JARID2: variants seen among roughly 807,000 people sequenced by gnomAD.
JARID2 encodes the protein jumonji and AT-rich interaction domain containing 2.
Under a neutral mutation model 125.6 loss-of-function variants are expected in JARID2, and 21 were observed. The observed-to-expected ratio is 0.17, with a 90% CI of 0.12 to 0.24. The LOEUF (loss-of-function observed/expected upper bound fraction) is 0.24, where lower values mean the gene tolerates loss of function less well. JARID2 is among the 10% of genes least tolerant of loss of function. The probability of loss-of-function intolerance (pLI) is 1.00; values close to 1 mark genes in which losing one functional copy is unlikely to be tolerated. For missense variants in JARID2, 1,303 were observed against 1,639.6 expected, an observed-to-expected ratio of 0.79 and a Z score of 3.55; for synonymous variants, 736 against 661.6, an observed-to-expected ratio of 1.11 and a Z score of -1.73.
intron 1 of JARID2, among the ~76,000 whole-genome samples, chr6:15,297,172 A>G (rs1431642359): frequency 1.3e-5 from 2 of 152,064 alleles, no homozygotes; most frequent in East Asian, 1.9e-4. Context: ...TTTTTTTGAG[A>G]AGGAGTCTCA....
At position 15,390,940 on chromosome 6, in the gene JARID2, G is replaced by A. The variant is rs563148578; in HGVS notation, c.181+16688G>A. On this transcript the variant is annotated intron_variant, in intron 2 of 17. Coordinates refer to ENST00000341776, the MANE Select transcript of JARID2 (RefSeq NM_004973.4). ...TGTTGTTTTCCGTCTCAGAAAATGG[G>A]ATACTAATTTTTTTTCCTCAGAGGT... 1.1e-4 allele frequency among the ~76,000 whole-genome samples: 16 copies of A among 152,318 alleles called. No individual in the cohort carries two copies. In the South Asian group the frequency reaches 3.1e-3, roughly 30 times the overall value.
At chr6:15,283,581 C>T (rs192066754) in intron 1 of JARID2, among the ~76,000 whole-genome samples, 26 of 144,664 alleles carry the variant, frequency 1.8e-4, no homozygotes, top group Non-Finnish European at 3.5e-4. Flanking sequence ...CGACCTTGTG[C>T]TCCGCCCGCC....
chr6:15,416,722 G>T lies in JARID2; in HGVS notation c.323+6357G>T, dbSNP rs1323943331. Among the ~76,000 whole-genome samples, 188 of 146,836 alleles carry T rather than the reference G, an allele frequency of 1.3e-3. 1 individual carries two copies. Among genetic ancestry groups the T allele is most frequent in the East Asian group, 2.4e-3 (12 of 4,984 alleles). On this transcript the variant is annotated intron_variant, in intron 3 of 17. Transcript: ENST00000341776. Reference sequence around the variant, plus strand: ...ACCGTGGGGAGAGGGAGAGGGAGAGGGGGGAGAGGGAGAGGGAGAGGGGCT... The same window carrying T: ...ACCGTGGGGAGAGGGAGAGGGAGAGTGGGGAGAGGGAGAGGGAGAGGGGCT...
Position 15,333,950 on chromosome 6 carries a change from C to T in JARID2, c.46-40167C>T, listed in dbSNP as rs536793731. Among the ~76,000 whole-genome samples the T allele has an allele frequency of 5.9e-5, 9 of 152,200 alleles. No individual in the cohort carries two copies. The South Asian group carries it at 1.9e-3, about 32-fold the overall frequency. On this transcript the variant is annotated intron_variant, in intron 1 of 17. Coordinates refer to ENST00000341776, the MANE Select transcript of JARID2 (RefSeq NM_004973.4). ...TTCTGGAGAATAGAAGGGTGCTTCC[C>T]CCGCCCCGAGACTGGTTTGGATGAA...
chr6:15,461,253 T>G (rs889252351), intron 4 of JARID2, among the ~76,000 whole-genome samples: 11 of 152,188 alleles, frequency 7.2e-5, no homozygotes, highest in Non-Finnish European at 1.5e-4. Context: ...GATGCTAGAT[T>G]AGCGTGGGAA....
At chr6:15,280,629 C>CTTTTT (rs11427786) in intron 1 of JARID2, among the ~76,000 whole-genome samples, 1 of 136,744 alleles carries the variant, frequency 7.3e-6, no homozygotes, top group Non-Finnish European at 1.6e-5. Flanking sequence ...CCACACCCTG[C>CTTTTT]TTTTTTTTTT....
chr6:15,328,171 G>A (rs1762593965), intron 1 of JARID2, among the ~76,000 whole-genome samples: 1 of 151,976 alleles, frequency 6.6e-6, no homozygotes, highest in Non-Finnish European at 1.5e-5. Context: ...CTCCTGGAAG[G>A]GCTTTCCAGG....
At chr6:15,488,532 G>A (rs927202338) in intron 6 of JARID2, among the ~76,000 whole-genome samples, 2 of 152,188 alleles carry the variant, frequency 1.3e-5, no homozygotes, top group African/African-American at 4.8e-5. Flanking sequence ...TAGAGGGGAC[G>A]GAAGAGATTT....
chr6:15,276,209 T>G (rs367810459), intron 1 of JARID2, among the ~76,000 whole-genome samples: 1 of 152,162 alleles, frequency 6.6e-6, no homozygotes, highest in East Asian at 1.9e-4. Flanking sequence ...TAATTTAATT[T>G]TGTGTTAGTG....
At chr6:15,424,348 C>T (rs1001439955) in intron 3 of JARID2, among the ~76,000 whole-genome samples, 1 of 152,166 alleles carries the variant, frequency 6.6e-6, no homozygotes, top group African/African-American at 2.4e-5. Flanking sequence ...GTTCTCCCTC[C>T]ACAATCCTCC....
intron 3 of JARID2, among the ~76,000 whole-genome samples, chr6:15,442,288 A>G (rs1198644828): frequency 1.3e-5 from 2 of 152,112 alleles, no homozygotes; most frequent in Non-Finnish European, 1.5e-5. Context: ...TAAATAGGGA[A>G]TCCCATCGAG....
At chr6:15,356,083 C>T (rs1763590717) in intron 1 of JARID2, among the ~76,000 whole-genome samples, 1 of 152,202 alleles carries the variant, frequency 6.6e-6, no homozygotes, top group African/African-American at 2.4e-5. Context: ...CAATATGTGG[C>T]CTCTCTGCCT....
chr6:15,452,153 T>C lies in JARID2; in HGVS notation c.471T>C (p.Phe157=). 6.2e-7 allele frequency: 1 copy of C among 1,614,110 alleles called. No individual in the cohort carries two copies. The highest frequency in any genetic ancestry group is 8.5e-7 in the Non-Finnish European group (1 of 1,180,010). ...LSKRKPKTED[F]LTFLCLRGSP... ...AAAGGAAGCCTAAGACAGAAGATTT[T>C]CTTACCTTTCTCTGCCTTCGAGGTA... Residue 157 remains phenylalanine, a synonymous_variant, in exon 4 of 18, where the codon TTT becomes TTC. Transcript: ENST00000341776.
At position 15,520,754 on chromosome 6, in the gene JARID2, A is replaced by G. The variant is rs1290257222; in HGVS notation, c.*503A>G. On this transcript the variant is annotated 3_prime_UTR_variant, in exon 18 of 18. Coordinates refer to ENST00000341776, the MANE Select transcript of JARID2 (RefSeq NM_004973.4). Reference sequence around the variant, plus strand: ...TGGCTGTCGTCTTCTGCCGTGTGCCAGATGAGCTTGTGATCTGGGAAGCCG... The same window carrying G: ...TGGCTGTCGTCTTCTGCCGTGTGCCGGATGAGCTTGTGATCTGGGAAGCCG... The G allele has an allele frequency of 2.2e-6, 1 of 456,020 alleles. No individual in the cohort carries two copies. The highest frequency in any genetic ancestry group is 6.9e-5 in the East Asian group (1 of 14,390). 28.2% of individuals were successfully genotyped at this position (456,020 alleles called of 1,614,324 possible).
intron 1 of JARID2, among the ~76,000 whole-genome samples, chr6:15,343,769 C>G (rs890152819): frequency 1.3e-5 from 2 of 152,124 alleles, no homozygotes; most frequent in Non-Finnish European, 2.9e-5. Context: ...GCATAATGAT[C>G]ACAAGACTAT....
intron 3 of JARID2, among the ~76,000 whole-genome samples, chr6:15,424,252 GC>G: frequency 6.6e-6 from 1 of 151,778 alleles, no homozygotes; most frequent in Non-Finnish European, 1.5e-5. Flanking sequence ...ACAGTCATGA[GC>G]CACTGTGCCT....
chr6:15,285,679 A>G (rs762601893), intron 1 of JARID2, among the ~76,000 whole-genome samples: 3 of 152,156 alleles, frequency 2.0e-5, no homozygotes, highest in Admixed American at 6.5e-5. Context: ...GTTCTCTAAC[A>G]TGTTCCCCAA....
In JARID2 at chr6:15,512,839, C is replaced by T. The variant is rs558178905; in HGVS notation, c.3136-76C>T. ...TTAGAAATTCAGACAGCCTGCCTGC[C>T]CCCTCCACCAAGAAGAACCTTGACA... is the stretch of plus-strand genomic sequence containing the variant. On this transcript the variant is annotated intron_variant, in intron 14 of 17. Coordinates refer to ENST00000341776, the MANE Select transcript of JARID2 (RefSeq NM_004973.4). 3.6e-6 allele frequency: 5 copies of T among 1,376,746 alleles called. No homozygotes were observed. In the African/African-American group the frequency reaches 4.4e-5, roughly 12 times the overall value. 85.3% of individuals were successfully genotyped at this position (1,376,746 alleles called of 1,614,324 possible).
At chr6:15,398,244 T>C (rs1394592880) in intron 2 of JARID2, among the ~76,000 whole-genome samples, 1 of 152,206 alleles carries the variant, frequency 6.6e-6, no homozygotes, top group Non-Finnish European at 1.5e-5. Context: ...TAAAGTGGAT[T>C]GATTATTCAG....
Sources: gnomAD v4.1 joint callset for allele counts (sites outside exome capture counted in the v4.1 genomes callset) on GRCh38, gnomAD v4.1.1 for gene constraint, MANE v1.5 for transcripts, NCBI Gene and HGNC (gene_info 2026-07-23, HGNC 2026-07-21) for gene names.